The following LRRC4C variants were observed in gnomAD, a reference collection of about 807,000 sequenced individuals.
LRRC4C encodes the protein leucine-rich repeat-containing protein 4C.
A neutral mutation model predicts 33.6 loss-of-function variants in LRRC4C; 5 were observed. That is an observed-to-expected ratio of 0.15 (90% CI 0.08 to 0.31). LRRC4C has a LOEUF of 0.31. Among genes scored for constraint, LRRC4C ranks in the 10% least tolerant of loss-of-function variants. LRRC4C has a pLI of 1.00. For missense variants in LRRC4C, 560 were observed against 796.7 expected (o/e 0.70, Z 3.58); for synonymous variants, 329 against 302.0 (o/e 1.09, Z -0.93).
At chr11:41,373,474 C>T (rs1410881866) in intron 1 of LRRC4C, among the ~76,000 whole-genome samples, 1 of 152,114 alleles carries the variant, frequency 6.6e-6, no homozygotes, top group Admixed American at 6.5e-5. Flanking sequence ...TAATTTGGGT[C>T]TGGATCAAGG....
intron 4 of LRRC4C, among the ~76,000 whole-genome samples, chr11:40,298,647 T>C (rs1944628093): frequency 6.6e-6 from 1 of 151,972 alleles, no homozygotes; most frequent in Admixed American, 6.6e-5. Flanking sequence ...CAAGGGGAAG[T>C]GTATTAGTCT....
chr11:40,608,365 A>C (rs984482575), intron 3 of LRRC4C, among the ~76,000 whole-genome samples: 15 of 152,064 alleles, frequency 9.9e-5, no homozygotes, highest in African/African-American at 3.6e-4. Context: ...ATAACCAAAA[A>C]GAAAATAGCT....
chr11:41,443,049 GTTAT>G (rs1245254174), intron 1 of LRRC4C, among the ~76,000 whole-genome samples: 9 of 123,248 alleles, frequency 7.3e-5, no homozygotes, highest in East Asian at 2.5e-4. Flanking sequence ...ACCCCTTCTA[GTTAT>G]TTATTTATTT....
chr11:41,392,989 C>A (rs1039153618), intron 1 of LRRC4C, among the ~76,000 whole-genome samples: 6 of 151,754 alleles, frequency 4.0e-5, no homozygotes, highest in Non-Finnish European at 8.8e-5. Flanking sequence ...GACAATATAC[C>A]TGTTTTATTG....
chr11:40,355,344 C>T (rs1411147941), intron 3 of LRRC4C, among the ~76,000 whole-genome samples: 5 of 152,162 alleles, frequency 3.3e-5, no homozygotes. Flanking sequence ...CACTAGATTA[C>T]ATGTATCCCA....
At chr11:41,304,242 A>G (rs1263011141) in intron 1 of LRRC4C, among the ~76,000 whole-genome samples, 454 of 84,522 alleles carry the variant, frequency 5.4e-3, no homozygotes, top group East Asian at 0.011. Flanking sequence ...CCCTCCGCCC[A>G]GCCAGCTGCC....
At chr11:40,890,165 C>G (rs1415981853) in intron 2 of LRRC4C, among the ~76,000 whole-genome samples, 1 of 152,112 alleles carries the variant, frequency 6.6e-6, no homozygotes, top group Non-Finnish European at 1.5e-5. Context: ...AACACATACC[C>G]TGCATATCTT....
At chr11:41,378,970 C>A (rs1216398075) in intron 1 of LRRC4C, among the ~76,000 whole-genome samples, 1 of 142,132 alleles carries the variant, frequency 7.0e-6, no homozygotes, top group Admixed American at 7.1e-5. Context: ...GTCTTGATTT[C>A]TCTTTCTTCA....
At chr11:41,314,428 T>C (rs1950727346) in intron 1 of LRRC4C, among the ~76,000 whole-genome samples, 1 of 152,240 alleles carries the variant, frequency 6.6e-6, no homozygotes, top group African/African-American at 2.4e-5. Context: ...ATTGATATGA[T>C]AATTGTCAGT....
At chr11:40,200,022 T>C (rs1191290739) in intron 5 of LRRC4C, among the ~76,000 whole-genome samples, 1 of 151,820 alleles carries the variant, frequency 6.6e-6, no homozygotes, top group Non-Finnish European at 1.5e-5. Context: ...TCTGTGGCTG[T>C]CTCAGTGATC....
chr11:40,229,139 T>G (rs1865015774), intron 5 of LRRC4C, among the ~76,000 whole-genome samples: 1 of 152,216 alleles, frequency 6.6e-6, no homozygotes, highest in Non-Finnish European at 1.5e-5. Flanking sequence ...TTTCTACCTA[T>G]TCAAGGAATA....
intron 1 of LRRC4C, among the ~76,000 whole-genome samples, chr11:41,347,886 G>C (rs1353735178): frequency 6.6e-6 from 1 of 152,108 alleles, no homozygotes; most frequent in Non-Finnish European, 1.5e-5. Flanking sequence ...CCGAACCACC[G>C]GTACTAATTA....
At chr11:41,418,057 A>G (rs1954751406) in intron 1 of LRRC4C, among the ~76,000 whole-genome samples, 1 of 151,816 alleles carries the variant, frequency 6.6e-6, no homozygotes, top group Non-Finnish European at 1.5e-5. Flanking sequence ...ACTCTATTAG[A>G]AAATTACTTG....
At chr11:41,355,837 T>G (rs2137616965) in intron 1 of LRRC4C, among the ~76,000 whole-genome samples, 1 of 152,220 alleles carries the variant, frequency 6.6e-6, no homozygotes, top group East Asian at 1.9e-4. Flanking sequence ...CCTAAAGCTC[T>G]TAAACTAGCA....
chr11:41,178,701 C>CTGTT (rs896151510), intron 1 of LRRC4C, among the ~76,000 whole-genome samples: 2 of 151,962 alleles, frequency 1.3e-5, no homozygotes, highest in Non-Finnish European at 2.9e-5. Flanking sequence ...ACCCAGGAAT[C>CTGTT]TGTTTGTTTG....
In LRRC4C at chr11:40,423,339, C is replaced by CTTTTTTTT. The variant is rs35819704; in HGVS notation, c.-269-103626_-269-103619dup. Among the ~76,000 whole-genome samples the CTTTTTTTT allele has an allele frequency of 5.9e-4, 54 of 90,956 alleles. 1 individual carries two copies. Among genetic ancestry groups the CTTTTTTTT allele is most frequent in the East Asian group, 1.4e-3 (4 of 2,878 alleles). 59.7% of individuals were successfully genotyped at this position (90,956 alleles called of 152,430 possible). ...GAAAAGGAAGTCAGTTGTTCATGTT[C>CTTTTTTTT]TTTTTTTTTTTTTTTTTTTTTTTGA... is the stretch of plus-strand genomic sequence containing the variant. On this transcript the variant is annotated intron_variant, in intron 3 of 6. Coordinates refer to ENST00000528697, the MANE Select transcript of LRRC4C (RefSeq NM_001258419.2).
intron 1 of LRRC4C, among the ~76,000 whole-genome samples, chr11:41,221,103 A>G (rs537469478): frequency 1.3e-5 from 2 of 152,240 alleles, no homozygotes; most frequent in South Asian, 2.1e-4. Context: ...TAAGCCTAGT[A>G]CCCATTAGTT....
At chr11:41,290,667 A>G (rs1471798288) in intron 1 of LRRC4C, among the ~76,000 whole-genome samples, 1 of 152,180 alleles carries the variant, frequency 6.6e-6, no homozygotes, top group Non-Finnish European at 1.5e-5. Context: ...AGCATGCAGT[A>G]TATGTTTAAT....
intron 2 of LRRC4C, among the ~76,000 whole-genome samples, chr11:40,851,325 A>T (rs1591887266): frequency 6.6e-6 from 1 of 152,286 alleles, no homozygotes; most frequent in South Asian, 2.1e-4. Context: ...AAGGCGTAGC[A>T]TCTGGGTCAG....
Sources: allele counts gnomAD v4.1 joint callset (sites outside exome capture counted in the v4.1 genomes callset), GRCh38; gene constraint gnomAD v4.1.1; transcripts MANE v1.5; gene names NCBI Gene and HGNC (gene_info 2026-07-23, HGNC 2026-07-21).